The following TNNI3K variants were observed in gnomAD, a reference collection of about 807,000 sequenced individuals.
TNNI3K encodes TNNI3 interacting kinase.
A neutral mutation model predicts 114.5 loss-of-function variants in TNNI3K; 140 were observed. The observed-to-expected ratio is 1.22, with a 90% CI of 1.07 to 1.41. The LOEUF is 1.41. Among genes scored for constraint, TNNI3K ranks in the 40% most tolerant of loss-of-function variants. TNNI3K has a pLI of 0.00. For missense variants in TNNI3K, 1,125 were observed against 1,007.6 expected, an observed-to-expected ratio of 1.12 and a Z score of -1.58; for synonymous variants, 347 against 347.5, an observed-to-expected ratio of 1.00 and a Z score of 0.02.
intron 20 of TNNI3K, among the ~76,000 whole-genome samples, chr1:74,461,978 C>A (rs1667473016): frequency 1.3e-5 from 2 of 152,046 alleles, no homozygotes; most frequent in South Asian, 2.1e-4. Flanking sequence ...TGCTTCATTG[C>A]TTAGATTAAT....
intron 23 of TNNI3K, among the ~76,000 whole-genome samples, chr1:74,526,980 T>C (rs1397365580): frequency 3.9e-5 from 6 of 152,228 alleles, no homozygotes; most frequent in Non-Finnish European, 7.3e-5. Context: ...GACCATATGG[T>C]CCACAAAGCC....
intron 21 of TNNI3K, among the ~76,000 whole-genome samples, chr1:74,481,740 T>G (rs550286578): frequency 6.6e-6 from 1 of 152,204 alleles, no homozygotes; most frequent in Non-Finnish European, 1.5e-5. Context: ...TCAAAGCATT[T>G]TAACTCAATA....
intron 2 of TNNI3K, among the ~76,000 whole-genome samples, chr1:74,243,298 G>C (rs1384439210): frequency 1.3e-5 from 2 of 152,110 alleles, no homozygotes; most frequent in African/African-American, 2.4e-5. Flanking sequence ...ATATATATTA[G>C]AAACAGATCT....
At chr1:74,453,795 A>G (rs1667121041) in intron 20 of TNNI3K, among the ~76,000 whole-genome samples, 1 of 152,210 alleles carries the variant, frequency 6.6e-6, no homozygotes, top group Non-Finnish European at 1.5e-5. Context: ...GAACAGTGTG[A>G]TGAATAAGAA....
At position 74,504,559 on chromosome 1, in the gene TNNI3K, A is replaced by C. The variant is rs552757393; in HGVS notation, c.2351+12293A>C. Among the ~76,000 whole-genome samples, 39 of 152,332 alleles carry C rather than the reference A, an allele frequency of 2.6e-4. No homozygotes were observed. The South Asian group carries it at 7.9e-3, about 31-fold the overall frequency. On this transcript the variant is annotated intron_variant, in intron 23 of 24. Transcript: ENST00000326637. Reference sequence around the variant, plus strand: ...AACATCAAACAAAATATTCTGTTCAAAAGAGGAGGTGATGAAAATGGAAAA... The same window carrying C: ...AACATCAAACAAAATATTCTGTTCACAAGAGGAGGTGATGAAAATGGAAAA...
intron 4 of TNNI3K, among the ~76,000 whole-genome samples, chr1:74,268,442 C>T (rs953897501): frequency 6.6e-6 from 1 of 151,932 alleles, no homozygotes; most frequent in Non-Finnish European, 1.5e-5. Flanking sequence ...GACGTTTTCT[C>T]GCTTCCAGTA....
intron 5 of TNNI3K, among the ~76,000 whole-genome samples, chr1:74,287,619 T>A (rs1036393932): frequency 2.6e-5 from 4 of 152,112 alleles, no homozygotes; most frequent in Non-Finnish European, 5.9e-5. Flanking sequence ...GGGCTGAAAC[T>A]TTAAAACTAC....
intron 17 of TNNI3K, chr1:74,370,607 T>C (rs1662544253): frequency 2.7e-6 from 1 of 363,748 alleles, no homozygotes. Context: ...TTTAAATCTA[T>C]GAAGAATATT....
rs144597357 is a variant in TNNI3K at position 74,237,096 on chromosome 1, C to A, written c.149+886C>A. 3.8e-3 allele frequency among the ~76,000 whole-genome samples: 574 copies of A among 151,942 alleles called. 7 individuals carry two copies. The highest frequency in any genetic ancestry group is 3.7e-3 in the East Asian group (19 of 5,178). On this transcript the variant is annotated intron_variant, in intron 2 of 24. Transcript: ENST00000326637. ...AAACATATAAATATCACATAATTGG[C>A]AAATAAAATCACCCATGTATAATAT...
intron 20 of TNNI3K, among the ~76,000 whole-genome samples, chr1:74,460,565 A>AT (rs1667415518): frequency 6.6e-6 from 1 of 152,346 alleles, no homozygotes; most frequent in African/African-American, 2.4e-5. Context: ...CCTCTAACAT[A>AT]TTTTTTGTAG....
At chr1:74,443,207 A>G (rs1666457779) in intron 20 of TNNI3K, among the ~76,000 whole-genome samples, 1 of 152,182 alleles carries the variant, frequency 6.6e-6, no homozygotes, top group Admixed American at 6.6e-5. Flanking sequence ...CTTTCAGAAA[A>G]TCAATGAATC....
At chr1:74,381,492 C>G (rs1307941845) in intron 17 of TNNI3K, among the ~76,000 whole-genome samples, 1 of 152,068 alleles carries the variant, frequency 6.6e-6, no homozygotes, top group African/African-American at 2.4e-5. Flanking sequence ...AATGATCTAG[C>G]TCTCCTTTTT....
In TNNI3K at chr1:74,292,322, A is replaced by G. The variant is rs113612566; in HGVS notation, c.444+20614A>G. ...TTAAGATGGATGCATAGCTTAGCTT[A>G]TTAATATTTAGCCTTTTTTTTCTAA... On this transcript the variant is annotated intron_variant, in intron 5 of 24. Coordinates refer to ENST00000326637, the MANE Select transcript of TNNI3K (RefSeq NM_015978.3). 7.8e-3 allele frequency among the ~76,000 whole-genome samples: 1,176 copies of G among 151,578 alleles called. 7 individuals are homozygous for G. Among genetic ancestry groups the G allele is most frequent in the Middle Eastern group, 0.014 (4 of 294 alleles).
intron 17 of TNNI3K, among the ~76,000 whole-genome samples, chr1:74,420,483 C>G (rs141421551): frequency 1.7e-4 from 26 of 152,210 alleles, no homozygotes; most frequent in African/African-American, 6.3e-4. Context: ...AAGTGCTTCT[C>G]TGGCCAGCTA....
intron 2 of TNNI3K, among the ~76,000 whole-genome samples, chr1:74,237,106 C>T (rs964112505): frequency 3.3e-5 from 5 of 151,852 alleles, no homozygotes; most frequent in African/African-American, 1.2e-4. Flanking sequence ...CAAATAAAAT[C>T]ACCCATGTAT....
chr1:74,535,896 G>C (rs7518200), intron 23 of TNNI3K, among the ~76,000 whole-genome samples: 142,838 of 152,200 alleles, frequency 0.94, 67,144 homozygotes, highest in Middle Eastern at 0.97. Flanking sequence ...GTCCAACACT[G>C]TGCTAGAATC....
chr1:74,346,980 C>T (rs989192430), intron 9 of TNNI3K, among the ~76,000 whole-genome samples: 4 of 150,666 alleles, frequency 2.7e-5, no homozygotes, highest in Non-Finnish European at 5.9e-5. Flanking sequence ...AATTAAATAC[C>T]TATTTATTTA....
intron 4 of TNNI3K, among the ~76,000 whole-genome samples, chr1:74,265,170 T>G (rs1297661304): frequency 6.6e-6 from 1 of 152,008 alleles, no homozygotes; most frequent in African/African-American, 2.4e-5. Flanking sequence ...GAATGCCAAT[T>G]GGGTTCTCTA....
chr1:74,514,622 A>G (rs1557620456), intron 23 of TNNI3K, among the ~76,000 whole-genome samples: 1 of 152,118 alleles, frequency 6.6e-6, no homozygotes, highest in African/African-American at 2.4e-5. Flanking sequence ...AAAACAGGAA[A>G]CATCTTCTGA....
Sources: gnomAD v4.1 joint callset for allele counts (sites outside exome capture counted in the v4.1 genomes callset) on GRCh38, gnomAD v4.1.1 for gene constraint, MANE v1.5 for transcripts, NCBI Gene and HGNC (gene_info 2026-07-23, HGNC 2026-07-21) for gene names.